GMDS: variants seen among roughly 807,000 people sequenced by gnomAD.
GMDS encodes the protein GDP-mannose 4,6 dehydratase.
GMDS carries 20 observed loss-of-function variants against 49.9 expected under a neutral mutation model. The ratio of observed to expected loss-of-function variants is 0.40; its 90% CI spans 0.28 to 0.58. The LOEUF is 0.58. GMDS is among the 20% of genes least tolerant of loss of function. The pLI is 0.42. For missense variants in GMDS, 362 were observed against 481.4 expected (o/e 0.75, Z 2.32); for synonymous variants, 177 against 178.6 (o/e 0.99, Z 0.07).
At chr6:2,145,605 G>A (rs565007832) in intron 1 of GMDS, among the ~76,000 whole-genome samples, 12 of 151,928 alleles carry the variant, frequency 7.9e-5, no homozygotes, top group African/African-American at 1.2e-4. Flanking sequence ...CAGATGGCCC[G>A]CTGCATCCAC....
intron 9 of GMDS, among the ~76,000 whole-genome samples, chr6:1,718,613 T>A (rs540361470): frequency 6.6e-6 from 1 of 152,224 alleles, no homozygotes; most frequent in Admixed American, 6.5e-5. Context: ...CTGCTTCCCT[T>A]TCATCTGAGA....
intron 9 of GMDS, among the ~76,000 whole-genome samples, chr6:1,639,888 A>G (rs1021585238): frequency 2.0e-5 from 3 of 152,212 alleles, no homozygotes; most frequent in African/African-American, 7.2e-5. Flanking sequence ...AAAACAAAAC[A>G]AAACAAAATG....
At chr6:2,121,698 A>G (rs1775147283) in intron 2 of GMDS, among the ~76,000 whole-genome samples, 1 of 152,206 alleles carries the variant, frequency 6.6e-6, no homozygotes, top group Non-Finnish European at 1.5e-5. Context: ...TTTTGCTTTA[A>G]GGCTAGCTAA....
chr6:2,227,338 A>G (rs1165256902), intron 1 of GMDS, among the ~76,000 whole-genome samples: 2 of 152,160 alleles, frequency 1.3e-5, no homozygotes, highest in Non-Finnish European at 2.9e-5. Context: ...TTCTACCCTA[A>G]GCCCACTGAA....
At chr6:1,866,252 T>G (rs958647678) in intron 7 of GMDS, among the ~76,000 whole-genome samples, 1 of 152,218 alleles carries the variant, frequency 6.6e-6, no homozygotes, top group Non-Finnish European at 1.5e-5. Context: ...CAGATAAATA[T>G]TAGACAGTGC....
chr6:1,954,228 A>G (rs1322600812), intron 6 of GMDS, among the ~76,000 whole-genome samples: 2 of 152,260 alleles, frequency 1.3e-5, no homozygotes, highest in Non-Finnish European at 2.9e-5. Context: ...ATGTTTTTAA[A>G]AGCCCTGTAC....
chr6:1,799,547 A>C (rs1769866116), intron 7 of GMDS, among the ~76,000 whole-genome samples: 1 of 152,176 alleles, frequency 6.6e-6, no homozygotes, highest in South Asian at 2.1e-4. Flanking sequence ...GAAGACGAGA[A>C]AATAGGGCTG....
chr6:2,081,855 C>A (rs968072271), intron 4 of GMDS, among the ~76,000 whole-genome samples: 3 of 152,066 alleles, frequency 2.0e-5, no homozygotes, highest in Admixed American at 2.0e-4. Context: ...CTCCCCTCTC[C>A]CTCTCTCAAG....
At chr6:2,008,637 G>A (rs1767352634) in intron 4 of GMDS, among the ~76,000 whole-genome samples, 1 of 152,214 alleles carries the variant, frequency 6.6e-6, no homozygotes, top group African/African-American at 2.4e-5. Flanking sequence ...GACAATTAAG[G>A]AGCTTAGCTT....
At chr6:2,192,643 T>C (rs163070) in intron 1 of GMDS, among the ~76,000 whole-genome samples, 6,298 of 152,266 alleles carry the variant, frequency 0.041, 262 homozygotes, top group South Asian at 0.13. Flanking sequence ...CTGTCTGCAG[T>C]GCACCTGGTC....
At chr6:1,799,227 T>C (rs1034491286) in intron 7 of GMDS, among the ~76,000 whole-genome samples, 1 of 152,170 alleles carries the variant, frequency 6.6e-6, no homozygotes, top group African/African-American at 2.4e-5. Flanking sequence ...TGCTTCCCGC[T>C]GGCAAAGAGT....
At chr6:2,168,275 G>A (rs537807383) in intron 1 of GMDS, among the ~76,000 whole-genome samples, 5 of 152,172 alleles carry the variant, frequency 3.3e-5, no homozygotes, top group Non-Finnish European at 5.9e-5. Context: ...GGAAGGGTGA[G>A]CGTGAAGCTT....
At chr6:1,931,434 A>G (rs1014935995) in intron 6 of GMDS, among the ~76,000 whole-genome samples, 15 of 152,252 alleles carry the variant, frequency 9.9e-5, no homozygotes, top group Non-Finnish European at 2.2e-4. Context: ...TCATTAAGAA[A>G]TACAATGGGA....
At chr6:1,907,362 A>G (rs1385263574) in intron 7 of GMDS, among the ~76,000 whole-genome samples, 1 of 152,214 alleles carries the variant, frequency 6.6e-6, no homozygotes, top group Non-Finnish European at 1.5e-5. Context: ...ACATAATTTA[A>G]GCCAACAAAA....
At chr6:2,202,834 A>G (rs993525505) in intron 1 of GMDS, among the ~76,000 whole-genome samples, 1 of 152,222 alleles carries the variant, frequency 6.6e-6, no homozygotes, top group Non-Finnish European at 1.5e-5. Flanking sequence ...GGGATGGAGC[A>G]GAGACGGAAA....
At chr6:2,121,415 G>A (rs1228521781) in intron 2 of GMDS, among the ~76,000 whole-genome samples, 1 of 152,078 alleles carries the variant, frequency 6.6e-6, no homozygotes, top group Non-Finnish European at 1.5e-5. Flanking sequence ...ATTTAATCCT[G>A]AGCAAAATTC....
intron 9 of GMDS, among the ~76,000 whole-genome samples, chr6:1,643,995 TA>T (rs1342856063): frequency 1.3e-5 from 2 of 151,980 alleles, no homozygotes; most frequent in African/African-American, 4.8e-5. Flanking sequence ...GGACGGCCCT[TA>T]CCCAGCCCCC....
intron 4 of GMDS, among the ~76,000 whole-genome samples, chr6:2,056,719 T>C (rs545674745): frequency 1.3e-5 from 2 of 152,204 alleles, no homozygotes; most frequent in African/African-American, 4.8e-5. Context: ...CTCTGCCACA[T>C]GGCTGGACTT....
intron 9 of GMDS, among the ~76,000 whole-genome samples, chr6:1,645,232 C>G (rs191830100): frequency 8.7e-4 from 133 of 152,304 alleles, no homozygotes; most frequent in Admixed American, 2.5e-3. Context: ...CCGCGCCCAG[C>G]CTGCTTGATT....
Sources: allele counts gnomAD v4.1 joint callset (sites outside exome capture counted in the v4.1 genomes callset), GRCh38; gene constraint gnomAD v4.1.1; transcripts MANE v1.5; gene names NCBI Gene and HGNC (gene_info 2026-07-23, HGNC 2026-07-21).